STOX1: variants seen among roughly 807,000 people sequenced by gnomAD.
STOX1 encodes the protein storkhead-box protein 1.
In STOX1, 57 loss-of-function variants were observed where a neutral mutation model predicts 74.8. The ratio of observed to expected loss-of-function variants is 0.76; its 90% CI spans 0.62 to 0.95. The LOEUF (loss-of-function observed/expected upper bound fraction) is 0.95, where lower values mean the gene tolerates loss of function less well. STOX1 is among the 40% of genes least tolerant of loss of function. STOX1 has a pLI of 0.00. For synonymous variants in STOX1, 375 were observed against 401.3 expected, an observed-to-expected ratio of 0.93 and a Z score of 0.78; for missense variants, 1,010 against 1,117.0, an observed-to-expected ratio of 0.90 and a Z score of 1.37.
chr10:68,840,958 T>G (rs867276985), intron 1 of STOX1, among the ~76,000 whole-genome samples: 11 of 152,096 alleles, frequency 7.2e-5, no homozygotes, highest in Admixed American at 3.9e-4. Flanking sequence ...TTGCTTTTTT[T>G]TTTTTTGGAG....
chr10:68,874,050 T>A (rs7095443), intron 1 of STOX1, among the ~76,000 whole-genome samples: 107,268 of 117,112 alleles, frequency 0.92, 49,063 homozygotes, highest in East Asian at 0.99. Context: ...TAAATCCACC[T>A]TGGGAAAGTT....
intron 1 of STOX1, among the ~76,000 whole-genome samples, chr10:68,875,472 GGT>G (rs1204992196): frequency 2.0e-5 from 3 of 151,874 alleles, no homozygotes; most frequent in African/African-American, 7.3e-5. Context: ...ATTTGTCATG[GGT>G]GCACCTCTTG....
intron 1 of STOX1, among the ~76,000 whole-genome samples, chr10:68,852,283 G>A (rs1399578454): frequency 1.8e-5 from 2 of 110,796 alleles, no homozygotes; most frequent in African/African-American, 3.4e-5. Flanking sequence ...ACGGAGTCTC[G>A]CTCTGTCGCC....
chr10:68,889,039 GAC>G (rs1589239652), intron 3 of STOX1, among the ~76,000 whole-genome samples: 1 of 152,010 alleles, frequency 6.6e-6, no homozygotes, highest in African/African-American at 2.4e-5. Flanking sequence ...GGAGTGCAAT[GAC>G]ACAATCATAG....
chr10:68,879,612 C>A (rs1840760828), intron 1 of STOX1, among the ~76,000 whole-genome samples: 1 of 152,148 alleles, frequency 6.6e-6, no homozygotes, highest in Non-Finnish European at 1.5e-5. Context: ...TTTAAGAAAA[C>A]CACAGCATCC....
At position 68,885,775 on chromosome 10, in the gene STOX1, A is replaced by G; in HGVS notation, c.1979A>G (p.Asp660Gly). 1.9e-6 allele frequency: 3 copies of G among 1,614,130 alleles called. No individual in the cohort carries two copies. The highest frequency in any genetic ancestry group is 2.2e-5 in the East Asian group (1 of 44,886). Residue 660 changes from aspartate (D) to glycine (G), a missense_variant, in exon 3 of 4, where the codon GAT becomes GGT. Coordinates refer to ENST00000298596, the MANE Select transcript of STOX1 (RefSeq NM_152709.5). ...ACACCCTCTGCTTGTAGATTAGTGG[A>G]TAACACAATACACCAGTTTCAAAAT... Reference protein sequence around the residue: ...DRTPSACRLVDNTIHQFQNLG... With the variant: ...DRTPSACRLVGNTIHQFQNLG...
At position 68,886,529 on chromosome 10, in the gene STOX1, G is replaced by A. The variant is rs768582505; in HGVS notation, c.2733G>A (p.Val911=). The part of the protein sequence containing the change: ...FQLFNTSHMP[V]LAQDVQYEHS... ...TTTTCAACACTTCACATATGCCAGT[G>A]TTGGCTCAGGATGTCCAATATGAAC... Residue 911 remains valine (V), a synonymous_variant, in exon 3 of 4, where the codon GTG becomes GTA. Coordinates refer to ENST00000298596, the MANE Select transcript of STOX1 (RefSeq NM_152709.5). 1.9e-6 allele frequency: 3 copies of A among 1,614,036 alleles called. No homozygotes were observed. The highest frequency in any genetic ancestry group is 2.5e-6 in the Non-Finnish European group (3 of 1,180,024).
intron 1 of STOX1, among the ~76,000 whole-genome samples, chr10:68,872,342 C>CTTTTT (rs72451894): frequency 8.8e-4 from 79 of 89,274 alleles, no homozygotes; most frequent in African/African-American, 1.5e-3. Context: ...TTTTTCTTTT[C>CTTTTT]TTTTTTTTTT....
chr10:68,833,711 C>G (rs1412129561), intron 1 of STOX1, among the ~76,000 whole-genome samples: 1 of 152,094 alleles, frequency 6.6e-6, no homozygotes, highest in African/African-American at 2.4e-5. Flanking sequence ...TCAGGCAGGC[C>G]CAGGACTGGT....
intron 1 of STOX1, among the ~76,000 whole-genome samples, chr10:68,830,037 G>A (rs545708701): frequency 6.6e-6 from 1 of 152,248 alleles, no homozygotes; most frequent in South Asian, 2.1e-4. Context: ...AGACCTGGGG[G>A]CGAAATAAGA....
At chr10:68,873,287 G>A (rs1191594055) in intron 1 of STOX1, among the ~76,000 whole-genome samples, 2 of 131,204 alleles carry the variant, frequency 1.5e-5, no homozygotes, top group East Asian at 4.4e-4. Context: ...TTGAGACGGA[G>A]TCTCGCTCTG....
chr10:68,860,569 C>CAA (rs11353333), intron 1 of STOX1, among the ~76,000 whole-genome samples: 3,706 of 63,044 alleles, frequency 0.059, 135 homozygotes, highest in African/African-American at 0.079. Context: ...GACTCTGTCT[C>CAA]AAAAAAAAAA....
At chr10:68,840,663 C>T (rs1251756686) in intron 1 of STOX1, among the ~76,000 whole-genome samples, 1 of 152,072 alleles carries the variant, frequency 6.6e-6, no homozygotes, top group Non-Finnish European at 1.5e-5. Context: ...CTGCTTCAAG[C>T]GATTCTCATG....
chr10:68,837,760 T>G (rs1400374601), intron 1 of STOX1, among the ~76,000 whole-genome samples: 1 of 152,148 alleles, frequency 6.6e-6, no homozygotes, highest in Non-Finnish European at 1.5e-5. Context: ...GTGACCAGCT[T>G]CTCATCCAGT....
In STOX1 at chr10:68,886,529, G is replaced by T; in HGVS notation, c.2733G>T (p.Val911=). ...FQLFNTSHMP[V]LAQDVQYEHS... ...TTTTCAACACTTCACATATGCCAGT[G>T]TTGGCTCAGGATGTCCAATATGAAC... is the stretch of plus-strand genomic sequence containing the variant. The change falls in exon 3 of 4, where the codon GTG becomes GTT. Residue 911 remains valine (V), a synonymous_variant. Transcript: ENST00000298596. The T allele has an allele frequency of 6.2e-7, 1 of 1,614,154 alleles. No homozygotes were observed. The highest frequency in any genetic ancestry group is 8.5e-7 in the Non-Finnish European group (1 of 1,180,016).
At chr10:68,841,904 A>G (rs1428014210) in intron 1 of STOX1, among the ~76,000 whole-genome samples, 2 of 152,162 alleles carry the variant, frequency 1.3e-5, no homozygotes, top group African/African-American at 2.4e-5. Flanking sequence ...ATCTTGTCCC[A>G]TGAGCCCAGG....
chr10:68,850,996 AAAAGCAAACAAACAC>A (rs1404670982), intron 1 of STOX1, among the ~76,000 whole-genome samples: 1 of 151,752 alleles, frequency 6.6e-6, no homozygotes, highest in African/African-American at 2.4e-5. Context: ...AAAACCAGCA[AAAAGCAAACAAACAC>A]AAAAAAAGCA....
At chr10:68,866,259 G>A (rs904772000) in intron 1 of STOX1, among the ~76,000 whole-genome samples, 6 of 152,128 alleles carry the variant, frequency 3.9e-5, no homozygotes, top group African/African-American at 1.4e-4. Flanking sequence ...TACTTCAGGG[G>A]CTTTACCAAC....
At chr10:68,844,824 G>A (rs1839794851) in intron 1 of STOX1, among the ~76,000 whole-genome samples, 1 of 151,884 alleles carries the variant, frequency 6.6e-6, no homozygotes, top group Non-Finnish European at 1.5e-5. Context: ...GTGCAGTGGT[G>A]CGATCTCACC....
Sources: gnomAD v4.1 joint callset for allele counts (sites outside exome capture counted in the v4.1 genomes callset) on GRCh38, gnomAD v4.1.1 for gene constraint, MANE v1.5 for transcripts, NCBI Gene and HGNC (gene_info 2026-07-23, HGNC 2026-07-21) for gene names.